Variants in ITGBL1 observed in about 807,000 individuals in gnomAD.
The protein encoded by ITGBL1 is integrin subunit beta like 1, also known as integrin beta-like protein 1.
In ITGBL1, 51 loss-of-function variants were observed where a neutral mutation model predicts 68.5. That is an observed-to-expected ratio of 0.74 (90% CI 0.59 to 0.94). The LOEUF (loss-of-function observed/expected upper bound fraction) is 0.94. Ranked by LOEUF, ITGBL1 falls within the 40% of genes least tolerant of loss-of-function variation. ITGBL1 has a pLI of 0.00. For missense variants in ITGBL1, 649 were observed against 647.4 expected, an observed-to-expected ratio of 1.00 and a Z score of -0.03; for synonymous variants, 209 against 227.3, an observed-to-expected ratio of 0.92 and a Z score of 0.72.
intron 2 of ITGBL1, among the ~76,000 whole-genome samples, chr13:101,507,365 T>A (rs1028623011): frequency 3.5e-4 from 54 of 152,292 alleles, no homozygotes; most frequent in African/African-American, 1.3e-3. Context: ...TACAAATAAA[T>A]GCTTTTGTTT....
In ITGBL1 at chr13:101,715,594, A is replaced by T. The variant is rs769533749; in HGVS notation, c.1425A>T (p.Glu475Asp). The T allele has an allele frequency of 6.2e-7, 1 of 1,613,508 alleles. No homozygotes were observed. Among genetic ancestry groups the T allele is most frequent in the South Asian group, 1.1e-5 (1 of 91,062 alleles). The change falls in exon 11 of 11, where the codon GAA (glutamate) becomes GAT (aspartate). Residue 475 changes from glutamate (E) to aspartate (D), a missense_variant. Physicochemically the swap from Glu to Asp is conservative, Grantham distance 45. Transcript: ENST00000376180. ...GNGICSCGNC[E>D]CWDGWNGNAC... ...GAATATGTAGCTGTGGAAACTGTGA[A>T]TGCTGGGATGGATGGAATGGAAATG... is the stretch of plus-strand genomic sequence containing the variant.
At chr13:101,566,569 T>C (rs1234734367) in intron 2 of ITGBL1, among the ~76,000 whole-genome samples, 1 of 152,162 alleles carries the variant, frequency 6.6e-6, no homozygotes, top group Non-Finnish European at 1.5e-5. Context: ...AGAGCAGTTT[T>C]AAAGTCACAG....
chr13:101,587,482 C>G (rs115609934), intron 6 of ITGBL1, among the ~76,000 whole-genome samples: 240 of 152,072 alleles, frequency 1.6e-3, no homozygotes, highest in African/African-American at 5.6e-3. Flanking sequence ...CTGACGTGTC[C>G]CGACTGTCCT....
chr13:101,605,547 C>T (rs964710029), intron 7 of ITGBL1, among the ~76,000 whole-genome samples: 2 of 147,374 alleles, frequency 1.4e-5, no homozygotes, highest in Non-Finnish European at 3.0e-5. Context: ...TATATATACA[C>T]GTATTTAGAC....
intron 2 of ITGBL1, chr13:101,489,988 G>C: frequency 6.7e-7 from 1 of 1,492,892 alleles, no homozygotes. Context: ...AGTGATGGGA[G>C]CATTTAATAA....
At chr13:101,482,107 G>A (rs769372955) in intron 2 of ITGBL1, among the ~76,000 whole-genome samples, 3 of 152,148 alleles carry the variant, frequency 2.0e-5, no homozygotes, top group Admixed American at 6.6e-5. Context: ...TGTATTAGCC[G>A]AGAAGGCTTG....
At chr13:101,604,872 A>ATG (rs1566752881) in intron 7 of ITGBL1, among the ~76,000 whole-genome samples, 4 of 43,984 alleles carry the variant, frequency 9.1e-5, no homozygotes, top group Admixed American at 3.3e-4. Context: ...ATATATATAT[A>ATG]TATATATATA....
chr13:101,469,594 A>T (rs1324817372), intron 2 of ITGBL1, among the ~76,000 whole-genome samples: 1 of 152,152 alleles, frequency 6.6e-6, no homozygotes, highest in Non-Finnish European at 1.5e-5. Context: ...GAGACAGGAT[A>T]ATTGCTTGAA....
At chr13:101,586,978 T>G (rs1271662532) in intron 6 of ITGBL1, among the ~76,000 whole-genome samples, 1 of 152,158 alleles carries the variant, frequency 6.6e-6, no homozygotes, top group Non-Finnish European at 1.5e-5. Context: ...CCCAATGACA[T>G]CAATATTCTC....
At chr13:101,532,394 A>G (rs534798670) in intron 2 of ITGBL1, among the ~76,000 whole-genome samples, 1 of 152,324 alleles carries the variant, frequency 6.6e-6, no homozygotes, top group South Asian at 2.1e-4. Context: ...ATGCTTAACT[A>G]TATTTTAGCA....
intron 9 of ITGBL1, chr13:101,711,211 T>A (rs139763420): frequency 4.0e-4 from 61 of 152,372 alleles, no homozygotes; most frequent in African/African-American, 1.4e-3. Flanking sequence ...ATCTTTGCCT[T>A]GACTACTTCA....
intron 2 of ITGBL1, among the ~76,000 whole-genome samples, chr13:101,498,427 AT>A (rs1466572413): frequency 6.6e-6 from 1 of 152,230 alleles, no homozygotes; most frequent in African/African-American, 2.4e-5. Flanking sequence ...TATACACATT[AT>A]AATTGTTCTT....
At chr13:101,519,026 C>A (rs1429820466) in intron 2 of ITGBL1, among the ~76,000 whole-genome samples, 1 of 152,104 alleles carries the variant, frequency 6.6e-6, no homozygotes, top group African/African-American at 2.4e-5. Context: ...TACATGCACA[C>A]CCACATGCAG....
At chr13:101,460,732 C>T (rs940466413) in intron 2 of ITGBL1, among the ~76,000 whole-genome samples, 19 of 152,114 alleles carry the variant, frequency 1.2e-4, no homozygotes, top group African/African-American at 4.6e-4. Context: ...CTGGTGAGGC[C>T]TCAGGAAGCC....
Position 101,575,406 on chromosome 13 carries a change from T to TAAAA in ITGBL1, c.464-18_464-17insAAAA. 1 of 1,607,638 alleles carries TAAAA rather than the reference T, an allele frequency of 6.2e-7. No individual in the cohort carries two copies. The highest frequency in any genetic ancestry group is 8.5e-7 in the Non-Finnish European group (1 of 1,176,950). On this transcript the variant is annotated splice_polypyrimidine_tract_variant and intron_variant, in intron 3 of 10. Transcript: ENST00000376180. ...TATGTGCATGTAACAAACAGTCTTT[T>TAAAA]TTGTTTTCATGGTTTAGGTACATGT...
intron 7 of ITGBL1, among the ~76,000 whole-genome samples, chr13:101,627,629 C>T (rs2031832058): frequency 6.6e-6 from 1 of 152,136 alleles, no homozygotes; most frequent in South Asian, 2.1e-4. Flanking sequence ...CCCCTCTCTC[C>T]CTACAACCCC....
chr13:101,525,140 T>A (rs1346531656), intron 2 of ITGBL1, among the ~76,000 whole-genome samples: 3 of 152,174 alleles, frequency 2.0e-5, no homozygotes, highest in Admixed American at 6.6e-5. Flanking sequence ...TACAAAGTTT[T>A]TTCTTTTATT....
intron 7 of ITGBL1, among the ~76,000 whole-genome samples, chr13:101,656,967 TA>T (rs397760349): frequency 4.6e-5 from 7 of 151,356 alleles, no homozygotes; most frequent in Admixed American, 3.3e-4. Flanking sequence ...TTTTTTTTTT[TA>T]ATTATACTTT....
intron 7 of ITGBL1, among the ~76,000 whole-genome samples, chr13:101,629,768 G>A (rs949523576): frequency 3.3e-5 from 5 of 151,978 alleles, no homozygotes; most frequent in African/African-American, 4.8e-5. Flanking sequence ...ATTGATTAAC[G>A]TAATATAGAC....
Sources: gnomAD v4.1 joint callset for allele counts (sites outside exome capture counted in the v4.1 genomes callset) on GRCh38, gnomAD v4.1.1 for gene constraint, MANE v1.5 for transcripts, NCBI Gene and HGNC (gene_info 2026-07-23, HGNC 2026-07-21) for gene names.